GRAMD1B: variants seen among roughly 807,000 people sequenced by gnomAD.
GRAMD1B encodes the protein GRAM domain containing 1B.
A neutral mutation model predicts 99.7 loss-of-function variants in GRAMD1B; 37 were observed. The ratio of observed to expected loss-of-function variants is 0.37; its 90% confidence interval spans 0.29 to 0.49. The LOEUF (loss-of-function observed/expected upper bound fraction) is 0.49, where lower values mean the gene tolerates loss of function less well. GRAMD1B is among the 20% of genes least tolerant of loss of function. GRAMD1B has a pLI of 0.98. For missense variants in GRAMD1B, 888 were observed against 1,009.2 expected (o/e 0.88, Z 1.63); for synonymous variants, 427 against 387.6 (o/e 1.10, Z -1.19).
intron 2 of GRAMD1B, among the ~76,000 whole-genome samples, chr11:123,565,572 G>T (rs936562130): frequency 2.0e-5 from 3 of 152,186 alleles, no homozygotes; most frequent in Admixed American, 6.5e-5. Flanking sequence ...GATAATGATC[G>T]CTGAGACTCA....
At chr11:123,514,019 G>T (rs1303412572) in intron 2 of GRAMD1B, among the ~76,000 whole-genome samples, 1 of 152,148 alleles carries the variant, frequency 6.6e-6, no homozygotes, top group Non-Finnish European at 1.5e-5. Flanking sequence ...TCATTCACCA[G>T]AGGGTTATTA....
intron 1 of GRAMD1B, among the ~76,000 whole-genome samples, chr11:123,434,605 T>C (rs1280449181): frequency 6.6e-6 from 1 of 152,110 alleles, no homozygotes; most frequent in Non-Finnish European, 1.5e-5. Flanking sequence ...CTAGCCAACA[T>C]GGCAAAACCC....
intron 3 of GRAMD1B, 40 bp downstream of exon 3, chr11:123,577,617 G>T: frequency 6.8e-7 from 1 of 1,466,472 alleles, no homozygotes; most frequent in Non-Finnish European, 9.3e-7. Flanking sequence ...CCTTGTCAGG[G>T]GCTGCGGGGA....
chr11:123,501,070 C>T (rs1221418262), intron 2 of GRAMD1B, among the ~76,000 whole-genome samples: 2 of 152,204 alleles, frequency 1.3e-5, no homozygotes. Flanking sequence ...CTATTATACT[C>T]ATCTTCTAGA....
At chr11:123,358,517 T>C (rs1400923280) in exon 1 of GRAMD1B, 2 of 152,026 alleles carry the variant, frequency 1.3e-5, no homozygotes, top group African/African-American at 4.8e-5. Flanking sequence ...CCGCCCCGCC[T>C]GGGCGCAGCC....
At chr11:123,483,247 A>G (rs1177667058) in intron 2 of GRAMD1B, among the ~76,000 whole-genome samples, 5 of 152,202 alleles carry the variant, frequency 3.3e-5, no homozygotes, top group Non-Finnish European at 5.9e-5. Flanking sequence ...CGGGTGGGGC[A>G]TGTATACAGC....
Position 123,609,908 on chromosome 11 carries a change from A to G in GRAMD1B, c.1771A>G (p.Thr591Ala). The G allele has an allele frequency of 6.4e-7, 1 of 1,551,898 alleles. No homozygotes were observed. The highest frequency in any genetic ancestry group is 8.8e-7 in the Non-Finnish European group (1 of 1,133,944). ...TCCCAAAACTGCCACTGTCAGGGAG[A>G]CACAGGTGAGCAGAGCCGCGGATGC... is the stretch of plus-strand genomic sequence containing the variant. ...LAPKTATVRE[T>A]QTMYKASQES... Residue 591 changes from threonine (T) to alanine (A), a missense_variant, in exon 13 of 20, where the codon ACA becomes GCA. Transcript: ENST00000635736.
chr11:123,423,667 T>C (rs1948539797), intron 1 of GRAMD1B, among the ~76,000 whole-genome samples: 1 of 152,212 alleles, frequency 6.6e-6, no homozygotes, highest in South Asian at 2.1e-4. Flanking sequence ...TCTGTCTTTC[T>C]TCTGCCTGAC....
chr11:123,531,237 T>C (rs1163821721), intron 2 of GRAMD1B, among the ~76,000 whole-genome samples: 1 of 152,208 alleles, frequency 6.6e-6, no homozygotes, highest in Non-Finnish European at 1.5e-5. Flanking sequence ...CACTGAGCGC[T>C]GGTCATCTAG....
chr11:123,504,629 C>T (rs994661894), intron 2 of GRAMD1B, among the ~76,000 whole-genome samples: 1 of 152,170 alleles, frequency 6.6e-6, no homozygotes, highest in African/African-American at 2.4e-5. Context: ...ATCCACAGCT[C>T]CTCTCTGTTT....
intron 3 of GRAMD1B, among the ~76,000 whole-genome samples, chr11:123,580,667 C>A (rs563750803): frequency 6.6e-6 from 1 of 152,318 alleles, no homozygotes; most frequent in South Asian, 2.1e-4. Flanking sequence ...AGGTGCAGTC[C>A]GGCCCCAGCA....
In GRAMD1B at chr11:123,610,448, CTCTT is replaced by C. The variant is rs1303929883; in HGVS notation, c.1919+112_1919+115del. 6 of 1,031,366 alleles carry C rather than the reference CTCTT, an allele frequency of 5.8e-6. No homozygotes were observed. The East Asian group carries it at 7.2e-5, about 12-fold the overall frequency. The allele number at this position is 1,031,366 out of a possible 1,614,324, so 63.9% of individuals were successfully genotyped here. Reference sequence around the variant, plus strand: ...GGTGGGGAGTGCTTGGCTGCTGACTCTCTTTATTCTACTTTCTCTCCGAAGCCTT... The same window carrying C: ...GGTGGGGAGTGCTTGGCTGCTGACTCTATTCTACTTTCTCTCCGAAGCCTT... On this transcript the variant is annotated intron_variant, in intron 14 of 19. Coordinates refer to ENST00000635736, the MANE Select transcript of GRAMD1B (RefSeq NM_001387025.1). The surrounding 1 kb of genome is among the most constrained non-coding windows in gnomAD (Gnocchi z 4.1).
chr11:123,397,249 C>CA (rs560678023), intron 1 of GRAMD1B, among the ~76,000 whole-genome samples: 116 of 151,834 alleles, frequency 7.6e-4, no homozygotes, highest in African/African-American at 2.7e-3. Flanking sequence ...ACTAAAAATA[C>CA]AAAAAAAAGT....
At chr11:123,484,596 T>C (rs1222012947) in intron 2 of GRAMD1B, among the ~76,000 whole-genome samples, 1 of 152,126 alleles carries the variant, frequency 6.6e-6, no homozygotes, top group African/African-American at 2.4e-5. Flanking sequence ...ATCAACTCGC[T>C]TTGGAGAGTA....
intron 1 of GRAMD1B, among the ~76,000 whole-genome samples, chr11:123,449,260 ATTTTATTCAGTGTTTG>A (rs1252479028): frequency 6.6e-6 from 1 of 152,176 alleles, no homozygotes; most frequent in Non-Finnish European, 1.5e-5. Context: ...GGCAGAGTTT[ATTTTATTCAGTGTTTG>A]TTTTATTCAG....
At chr11:123,533,998 C>T (rs1235847418) in intron 2 of GRAMD1B, among the ~76,000 whole-genome samples, 3 of 152,216 alleles carry the variant, frequency 2.0e-5, no homozygotes, top group Admixed American at 1.3e-4. Flanking sequence ...TTTATGAAGA[C>T]AGCATTTAAT....
rs149137410 is a variant in GRAMD1B, at chr11:123,474,919, C to T, written c.375-5897C>T. On this transcript the variant is annotated intron_variant, in intron 1 of 19. Coordinates refer to ENST00000635736, the MANE Select transcript of GRAMD1B (RefSeq NM_001387025.1). Reference sequence around the variant, plus strand: ...ATCAGGCTCTGGAAATACTGCATTACAGCCTACATGCCCCCATGACGGCTT... The same window carrying T: ...ATCAGGCTCTGGAAATACTGCATTATAGCCTACATGCCCCCATGACGGCTT... Among the ~76,000 whole-genome samples the T allele has an allele frequency of 4.9e-3, 746 of 152,290 alleles. 6 individuals are homozygous for T. The highest frequency in any genetic ancestry group is 0.016 in the African/African-American group (657 of 41,548).
intron 1 of GRAMD1B, among the ~76,000 whole-genome samples, chr11:123,373,043 G>T (rs762608865): frequency 1.3e-5 from 2 of 152,184 alleles, no homozygotes; most frequent in African/African-American, 2.4e-5. Flanking sequence ...GGAGGCTGAG[G>T]CATGAGAATC....
At chr11:123,509,592 C>T (rs541319490) in intron 2 of GRAMD1B, among the ~76,000 whole-genome samples, 9 of 152,206 alleles carry the variant, frequency 5.9e-5, no homozygotes, top group Non-Finnish European at 1.2e-4. Flanking sequence ...GCTCTGGCAC[C>T]GCAAACACAC....
Sources: allele counts gnomAD v4.1 joint callset (sites outside exome capture counted in the v4.1 genomes callset), GRCh38; gene constraint gnomAD v4.1.1; non-coding constraint Gnocchi (gnomAD v3.1); transcripts MANE v1.5; gene names NCBI Gene and HGNC (gene_info 2026-07-23, HGNC 2026-07-21).